Variants in CAPN3 observed in about 807,000 individuals in gnomAD.
CAPN3 encodes calpain-3.
CAPN3 carries 88 observed loss-of-function variants against 114.0 expected under a neutral mutation model. The ratio of observed to expected loss-of-function variants is 0.77; its 90% CI spans 0.65 to 0.92. The LOEUF (loss-of-function observed/expected upper bound fraction) is 0.92. Among genes scored for constraint, CAPN3 ranks in the 40% least tolerant of loss-of-function variants. The pLI is 0.00. For missense variants in CAPN3, 1,028 were observed against 1,069.0 expected, an observed-to-expected ratio of 0.96 and a Z score of 0.53; for synonymous variants, 386 against 382.9, an observed-to-expected ratio of 1.01 and a Z score of -0.09.
At chr15:42,409,507 G>A in intron 17 of CAPN3, 127 bp downstream of exon 17, 1 of 972,796 alleles carries the variant, frequency 1.0e-6, no homozygotes, top group Non-Finnish European at 1.6e-6. Flanking sequence ...GCCAGGGGAT[G>A]TGTGCGTAGC....
chr15:42,399,807 G>A (rs1033110840), intron 10 of CAPN3, among the ~76,000 whole-genome samples, 155 bp downstream of exon 10: 1 of 152,204 alleles, frequency 6.6e-6, no homozygotes, highest in Non-Finnish European at 1.5e-5. Flanking sequence ...ATGCTGAGAA[G>A]TTTGCAATAG....
chr15:42,401,761 A>T lies in CAPN3; in HGVS notation c.1475A>T (p.Asp492Val), dbSNP rs760525241. ...VALMQKNRRK[D>V]RKLGASLFTI... ...CTGATGCAGAAGAACCGGCGGAAGG[A>T]CCGGAAGCTAGGGGCCAGTCTCTTC... The change falls in exon 11 of 24, where the codon GAC (aspartate) becomes GTC (valine). Residue 492 changes from aspartate to valine, a missense_variant. Transcript: ENST00000397163. The T allele has an allele frequency of 6.2e-7, 1 of 1,614,070 alleles. No homozygotes were observed. Among genetic ancestry groups the T allele is most frequent in the South Asian group, 1.1e-5 (1 of 91,074 alleles).
chr15:42,399,449 C>CG (rs1299143475), intron 9 of CAPN3, 43 bp from the exon 10 acceptor site: 5 of 1,517,026 alleles, frequency 3.3e-6, no homozygotes, highest in Non-Finnish European at 4.6e-6. Flanking sequence ...CAGCCCTCCT[C>CG]ACCTGCTCCC....
intron 10 of CAPN3, among the ~76,000 whole-genome samples, chr15:42,400,844 G>A (rs577414588): frequency 1.4e-4 from 21 of 152,180 alleles, no homozygotes; most frequent in African/African-American, 4.3e-4. Flanking sequence ...CATCGGATGC[G>A]CATATTAGAT....
At chr15:42,387,416 T>A (rs1416948803) in intron 3 of CAPN3, among the ~76,000 whole-genome samples, 2 of 152,208 alleles carry the variant, frequency 1.3e-5, no homozygotes, top group African/African-American at 4.8e-5. Context: ...CTGAGAGTGC[T>A]GACACCCAGG....
chr15:42,386,072 C>G lies in CAPN3; in HGVS notation c.380-95C>G. ...GGAGAGTGGGCACCAAGGGAGTCCC[C>G]GTTCAGGGAAGTGGAGTGGCTGGCT... On this transcript the variant is annotated intron_variant, in intron 2 of 23. Coordinates refer to ENST00000397163, the MANE Select transcript of CAPN3 (RefSeq NM_000070.3). 6.9e-6 allele frequency: 6 copies of G among 866,926 alleles called. 1 individual carries two copies. In the South Asian group the frequency reaches 7.9e-5, roughly 11 times the overall value. 53.7% of individuals were successfully genotyped at this position (866,926 alleles called of 1,614,324 possible).
At chr15:42,362,414 G>A (rs2052668850) in intron 1 of CAPN3, among the ~76,000 whole-genome samples, 2 of 152,048 alleles carry the variant, frequency 1.3e-5, no homozygotes, top group African/African-American at 2.4e-5. Context: ...ACTAGATTGG[G>A]CAGTGTCCAT....
chr15:42,408,301 G>T lies in CAPN3; in HGVS notation c.1891G>T (p.Asp631Tyr), dbSNP rs779139238. The change falls in exon 16 of 24, where the codon GAT (aspartate) becomes TAT (tyrosine). Residue 631 changes from aspartate (D) to tyrosine (Y), a missense_variant. Asp to Tyr is a radical substitution (Grantham distance 160). Coordinates refer to ENST00000397163, the MANE Select transcript of CAPN3 (RefSeq NM_000070.3). ...GGAGGGCAAAGGCAAAACAAGCCCT[G>T]ATAAGCAAAAGCAGTCCCCACAGGT... ...SEEGKGKTSPDKQKQSPQPQP... is the reference protein window; with the variant it reads ...SEEGKGKTSPYKQKQSPQPQP... 6 of 1,613,320 alleles carry T rather than the reference G, an allele frequency of 3.7e-6. No homozygotes were observed. In the South Asian group the frequency reaches 6.6e-5, roughly 18 times the overall value.
Position 42,399,472 on chromosome 15 carries a change from C to T in CAPN3, c.1194-20C>T, listed in dbSNP as rs371704768. 6.6e-5 allele frequency: 106 copies of T among 1,608,304 alleles called. No individual in the cohort carries two copies. The highest frequency in any genetic ancestry group is 8.7e-5 in the Non-Finnish European group (102 of 1,174,924). On this transcript the variant is annotated intron_variant, in intron 9 of 23. Coordinates refer to ENST00000397163, the MANE Select transcript of CAPN3 (RefSeq NM_000070.3). ...CTCACCTGCTCCCATATGGCTCTCT[C>T]TCTTCTTCCAACCTCTCAGGATGTC...
chr15:42,370,209 A>C (rs1000125333), intron 1 of CAPN3, among the ~76,000 whole-genome samples: 5 of 152,092 alleles, frequency 3.3e-5, no homozygotes, highest in Non-Finnish European at 7.4e-5. Flanking sequence ...CTTTCTGTCC[A>C]TACCAGACGG....
chr15:42,409,905 C>G, intron 18 of CAPN3, 26 bp from the exon 19 acceptor site: 1 of 1,612,440 alleles, frequency 6.2e-7, no homozygotes, highest in Non-Finnish European at 8.5e-7. Context: ...CTCAAAGCAG[C>G]TCCTCACTCT....
rs1172534078 is a variant in CAPN3 at position 42,410,777 on chromosome 15, C to T, written c.2264-107C>T. Reference sequence around the variant, plus strand: ...TAGAGAAAGGAGAGGGAAAGGGCTTCTCACTTTCCCTTCCCAGGTCACAGA... The same window carrying T: ...TAGAGAAAGGAGAGGGAAAGGGCTTTTCACTTTCCCTTCCCAGGTCACAGA... On this transcript the variant is annotated intron_variant, in intron 21 of 23. Coordinates refer to ENST00000397163, the MANE Select transcript of CAPN3 (RefSeq NM_000070.3). 8.2e-6 allele frequency: 11 copies of T among 1,339,932 alleles called. No homozygotes were observed. The Admixed American group carries it at 1.9e-4, about 23-fold the overall frequency. The allele number at this position is 1,339,932 out of a possible 1,614,324, so 83.0% of individuals were successfully genotyped here. A position where few individuals can be genotyped will look rare whatever the true frequency, so the allele number is the denominator to read the frequency against.
At chr15:42,375,209 G>A (rs2053057806) in intron 1 of CAPN3, among the ~76,000 whole-genome samples, 1 of 151,850 alleles carries the variant, frequency 6.6e-6, no homozygotes, top group Non-Finnish European at 1.5e-5. Flanking sequence ...GTGGTTAGAA[G>A]TACTAAGGCT....
At chr15:42,411,697 G>GGA in intron 23 of CAPN3, 50 bp from the exon 24 acceptor site, 1 of 810,250 alleles carries the variant, frequency 1.2e-6, no homozygotes, top group East Asian at 3.4e-5. Flanking sequence ...GCGGGGGGGG[G>GGA]GGGGGTCACT....
At chr15:42,391,575 C>T (rs776037907) in intron 6 of CAPN3, among the ~76,000 whole-genome samples, 40 of 152,148 alleles carry the variant, frequency 2.6e-4, no homozygotes, top group South Asian at 6.2e-4. Flanking sequence ...AATTCCGCGG[C>T]CTAGCAAGGC....
rs933023840 is a variant in CAPN3 at position 42,378,251 on chromosome 15, G to A, written c.310-6232G>A. Among the ~76,000 whole-genome samples, 5 of 152,254 alleles carry A rather than the reference G, an allele frequency of 3.3e-5. No homozygotes were observed. In the South Asian group the frequency reaches 6.2e-4, roughly 19 times the overall value. On this transcript the variant is annotated intron_variant, in intron 1 of 23. Transcript: ENST00000397163. ...TAATTAATCTGGTTGCCCCCACCCC[G>A]GGGGGAGCTATCCTGCCGTGAGTGA...
chr15:42,373,543 A>G (rs16973188), intron 1 of CAPN3, among the ~76,000 whole-genome samples: 8,004 of 152,324 alleles, frequency 0.053, 646 homozygotes, highest in African/African-American at 0.17. Context: ...GTGAAAGTTG[A>G]AAAGGCTGGG....
chr15:42,396,617 C>T (rs2053700780), intron 8 of CAPN3, among the ~76,000 whole-genome samples, 183 bp from the exon 9 acceptor site: 1 of 152,134 alleles, frequency 6.6e-6, no homozygotes, highest in Non-Finnish European at 1.5e-5. Flanking sequence ...GGAGTTTAGG[C>T]TCAGTCTTGA....
chr15:42,402,005 C>T, intron 11 of CAPN3, 119 bp from the exon 12 acceptor site: 2 of 1,424,430 alleles, frequency 1.4e-6, no homozygotes, highest in Non-Finnish European at 2.0e-6. Context: ...GCGGGCCTGG[C>T]AGAACAGGTG....
Sources: gnomAD v4.1 joint callset for allele counts (sites outside exome capture counted in the v4.1 genomes callset) on GRCh38, gnomAD v4.1.1 for gene constraint, MANE v1.5 for transcripts, NCBI Gene and HGNC (gene_info 2026-07-23, HGNC 2026-07-21) for gene names.